KCNAB1: variants seen among roughly 807,000 people sequenced by gnomAD.
KCNAB1 encodes potassium voltage-gated channel subfamily A regulatory beta subunit 1, also known as voltage-gated potassium channel subunit beta-1.
A neutral mutation model predicts 64.6 loss-of-function variants in KCNAB1; 35 were observed. That is an observed-to-expected ratio of 0.54 (90% confidence interval 0.41 to 0.72). The LOEUF (loss-of-function observed/expected upper bound fraction) is 0.72, where lower values mean the gene tolerates loss of function less well. Ranked by LOEUF, KCNAB1 falls within the 30% of genes least tolerant of loss-of-function variation. KCNAB1 has a pLI of 0.00. For missense variants in KCNAB1, 401 were observed against 512.9 expected (o/e 0.78, Z 2.11); for synonymous variants, 177 against 183.8 (o/e 0.96, Z 0.30).
intron 1 of KCNAB1, among the ~76,000 whole-genome samples, chr3:156,243,707 G>T (rs1429540329): frequency 2.0e-5 from 3 of 152,164 alleles, no homozygotes. Context: ...TTAAGATTAG[G>T]AATTGTCCTT....
intron 1 of KCNAB1, among the ~76,000 whole-genome samples, chr3:156,292,762 C>T (rs1457367553): frequency 6.6e-6 from 1 of 152,188 alleles, no homozygotes; most frequent in Non-Finnish European, 1.5e-5. Context: ...AGGCTGGTCT[C>T]GAACTCCTGA....
Position 156,536,944 on chromosome 3 carries a change from C to A in KCNAB1, c.*197C>A. ...AAACTCACAACCAAGAAAATCCATT[C>A]TATTTTCTTATCTTGGACTGGAGTC... On this transcript the variant is annotated 3_prime_UTR_variant, in exon 14 of 14. Coordinates refer to ENST00000490337, the MANE Select transcript of KCNAB1 (RefSeq NM_172160.3). 5 of 597,642 alleles carry A rather than the reference C, an allele frequency of 8.4e-6. No homozygotes were observed. Among genetic ancestry groups the A allele is most frequent in the Non-Finnish European group, 1.5e-5 (5 of 336,172 alleles). The allele number at this position is 597,642 out of a possible 1,614,324, so 37.0% of individuals were successfully genotyped here. A position where few individuals can be genotyped will look rare whatever the true frequency, so the allele number is the denominator to read the frequency against.
At chr3:156,121,113 T>TA in intron 1 of KCNAB1, among the ~76,000 whole-genome samples, 1 of 152,322 alleles carries the variant, frequency 6.6e-6, no homozygotes. Flanking sequence ...AAGGAGGCAG[T>TA]AGATGCTTAG....
At position 156,135,481 on chromosome 3, in the gene KCNAB1, A is replaced by G. The variant is rs554611831; in HGVS notation, c.275+14595A>G. 1.1e-3 allele frequency among the ~76,000 whole-genome samples: 167 copies of G among 152,268 alleles called. 1 individual carries two copies. The highest frequency in any genetic ancestry group is 3.9e-3 in the African/African-American group (162 of 41,558). ...CAATAATGACTGCTTAATAGTGCCA[A>G]TTTACCTGGATGTCTATTACCTTAT... On this transcript the variant is annotated intron_variant, in intron 1 of 13. Transcript: ENST00000490337.
chr3:156,183,121 C>T (rs1175837433), intron 1 of KCNAB1, among the ~76,000 whole-genome samples: 2 of 151,964 alleles, frequency 1.3e-5, no homozygotes, highest in South Asian at 2.1e-4. Flanking sequence ...AGAGATGAGA[C>T]CATCTGGGAA....
chr3:156,148,016 C>A (rs1715157755), intron 1 of KCNAB1, among the ~76,000 whole-genome samples: 1 of 151,532 alleles, frequency 6.6e-6, no homozygotes, highest in South Asian at 2.1e-4. Context: ...GCAGATCCAG[C>A]CATATTCACC....
chr3:156,223,628 C>T (rs4450760), intron 1 of KCNAB1, among the ~76,000 whole-genome samples: 88,633 of 151,268 alleles, frequency 0.59, 26,414 homozygotes, highest in East Asian at 0.89. Context: ...ATTTACAATC[C>T]CTTAGCTAGA....
intron 4 of KCNAB1, among the ~76,000 whole-genome samples, chr3:156,458,199 C>T (rs987835261): frequency 3.9e-5 from 6 of 152,164 alleles, no homozygotes; most frequent in Non-Finnish European, 8.8e-5. Flanking sequence ...TTCCTTTGAA[C>T]CCAAGGCAGA....
At chr3:156,530,728 T>C (rs1718644908) in intron 12 of KCNAB1, among the ~76,000 whole-genome samples, 1 of 152,062 alleles carries the variant, frequency 6.6e-6, no homozygotes, top group South Asian at 2.1e-4. Flanking sequence ...GGATGAATCT[T>C]GGGTTAGGAA....
chr3:156,270,581 A>G (rs1459593125), intron 1 of KCNAB1, among the ~76,000 whole-genome samples: 1 of 152,222 alleles, frequency 6.6e-6, no homozygotes, highest in Non-Finnish European at 1.5e-5. Flanking sequence ...AAGAAAACTA[A>G]TAAAACTATA....
intron 2 of KCNAB1, 32 bp downstream of exon 2, chr3:156,421,691 C>T (rs1715473992): frequency 6.2e-7 from 1 of 1,607,580 alleles, no homozygotes; most frequent in East Asian, 2.2e-5. Flanking sequence ...TGGGGGTGGG[C>T]TGGAAGGTGG....
intron 1 of KCNAB1, among the ~76,000 whole-genome samples, chr3:156,293,585 C>A (rs140735291): frequency 6.6e-6 from 1 of 152,300 alleles, no homozygotes; most frequent in African/African-American, 2.4e-5. Flanking sequence ...GAAAAAAAGT[C>A]CTTGGGTGGG....
chr3:156,323,950 A>G (rs1722823493), intron 1 of KCNAB1, among the ~76,000 whole-genome samples: 1 of 152,194 alleles, frequency 6.6e-6, no homozygotes, highest in African/African-American at 2.4e-5. Context: ...AAACATGTAG[A>G]GTGCTTTGCT....
intron 13 of KCNAB1, among the ~76,000 whole-genome samples, chr3:156,535,499 C>G (rs1192730142): frequency 6.6e-6 from 1 of 152,150 alleles, no homozygotes; most frequent in African/African-American, 2.4e-5. Context: ...CTCACAAACC[C>G]TCAACTCCAG....
chr3:156,308,053 G>C (rs144888514), intron 1 of KCNAB1, among the ~76,000 whole-genome samples: 1 of 152,340 alleles, frequency 6.6e-6, no homozygotes, highest in African/African-American at 2.4e-5. Context: ...GGTGATACCT[G>C]CTATGAAGAT....
intron 1 of KCNAB1, among the ~76,000 whole-genome samples, chr3:156,294,534 C>A (rs1576687824): frequency 1.3e-5 from 2 of 152,190 alleles, no homozygotes; most frequent in South Asian, 4.1e-4. Flanking sequence ...ATAGAAGTAA[C>A]TTTTATTAGC....
intron 8 of KCNAB1, among the ~76,000 whole-genome samples, chr3:156,486,751 G>A (rs1243846803): frequency 6.6e-5 from 10 of 152,128 alleles, no homozygotes; most frequent in African/African-American, 2.4e-4. Context: ...GAGAAACAGA[G>A]AAACCAAACA....
In KCNAB1 at chr3:156,364,264, A is replaced by C. The variant is rs140881103; in HGVS notation, c.276-57352A>C. ...TCAGAGCAATTGAGATATATCTATG[A>C]TAAATGAGGTTTATTTGAACACTAG... is the stretch of plus-strand genomic sequence containing the variant. On this transcript the variant is annotated intron_variant, in intron 1 of 13. Coordinates refer to ENST00000490337, the MANE Select transcript of KCNAB1 (RefSeq NM_172160.3). 2.5e-3 allele frequency among the ~76,000 whole-genome samples: 383 copies of C among 152,358 alleles called. 4 individuals carry two copies. The highest frequency in any genetic ancestry group is 8.8e-3 in the African/African-American group (365 of 41,582).
chr3:156,153,357 C>T (rs1446585871), intron 1 of KCNAB1, among the ~76,000 whole-genome samples: 1 of 152,222 alleles, frequency 6.6e-6, no homozygotes, highest in Non-Finnish European at 1.5e-5. Flanking sequence ...ATATCATGCT[C>T]ATCATGGCAT....
Sources: allele counts gnomAD v4.1 joint callset (sites outside exome capture counted in the v4.1 genomes callset), GRCh38; gene constraint gnomAD v4.1.1; transcripts MANE v1.5; gene names NCBI Gene and HGNC (gene_info 2026-07-23, HGNC 2026-07-21).